The following CNTN5 variants were observed in gnomAD, a reference collection of about 807,000 sequenced individuals.
CNTN5 encodes contactin 5, also known as contactin-5.
In CNTN5, 77 loss-of-function variants were observed where a neutral mutation model predicts 129.1. The ratio of observed to expected loss-of-function variants is 0.60; its 90% CI spans 0.50 to 0.72. The LOEUF (loss-of-function observed/expected upper bound fraction) is 0.72. CNTN5 is among the 30% of genes least tolerant of loss of function. The pLI, the probability that CNTN5 is intolerant of heterozygous loss-of-function variation, is 0.00. For missense variants in CNTN5, 1,478 were observed against 1,328.8 expected, an observed-to-expected ratio of 1.11 and a Z score of -1.75; for synonymous variants, 509 against 465.6, an observed-to-expected ratio of 1.09 and a Z score of -1.20.
intron 18 of CNTN5, among the ~76,000 whole-genome samples, chr11:100,277,922 C>A (rs964522526): frequency 6.6e-6 from 1 of 151,986 alleles, no homozygotes; most frequent in African/African-American, 2.4e-5. Context: ...CAATGTTTTC[C>A]TGTAGTAGTT....
intron 13 of CNTN5, among the ~76,000 whole-genome samples, chr11:100,159,203 G>GA (rs35503413): frequency 1.4e-4 from 20 of 147,440 alleles, no homozygotes; most frequent in South Asian, 2.1e-4. Flanking sequence ...TTTGTCTTGT[G>GA]AAAAAAAAAA....
At chr11:99,082,183 A>G (rs1230781882) in intron 1 of CNTN5, among the ~76,000 whole-genome samples, 2 of 147,122 alleles carry the variant, frequency 1.4e-5, no homozygotes, top group African/African-American at 5.1e-5. Context: ...AGTGTTCTCC[A>G]AAAGCTTTTT....
At chr11:99,030,370 G>C (rs1293233946) in intron 1 of CNTN5, among the ~76,000 whole-genome samples, 1 of 152,058 alleles carries the variant, frequency 6.6e-6, no homozygotes, top group Non-Finnish European at 1.5e-5. Flanking sequence ...TTCTAAATAT[G>C]CAGAAAATCA....
At chr11:99,907,857 T>C (rs1276884798) in intron 6 of CNTN5, among the ~76,000 whole-genome samples, 1 of 152,056 alleles carries the variant, frequency 6.6e-6, no homozygotes, top group Non-Finnish European at 1.5e-5. Context: ...TCTTAGAGTA[T>C]CAAATCAATT....
intron 17 of CNTN5, among the ~76,000 whole-genome samples, chr11:100,258,297 C>T (rs1334217910): frequency 6.6e-6 from 1 of 152,014 alleles, no homozygotes; most frequent in African/African-American, 2.4e-5. Context: ...GTGAAAAGAC[C>T]AAATATACGT....
intron 13 of CNTN5, among the ~76,000 whole-genome samples, chr11:100,162,763 T>TC (rs1165800963): frequency 2.0e-5 from 3 of 151,902 alleles, no homozygotes; most frequent in African/African-American, 7.2e-5. Flanking sequence ...AAATGCTTTT[T>TC]CCCTCTTCAT....
At chr11:99,787,700 A>G (rs1041731674) in intron 3 of CNTN5, among the ~76,000 whole-genome samples, 1 of 152,096 alleles carries the variant, frequency 6.6e-6, no homozygotes, top group East Asian at 1.9e-4. Flanking sequence ...TCAAGATGAC[A>G]TAAAGTACAT....
At chr11:100,204,859 G>T (rs1948881503) in intron 15 of CNTN5, among the ~76,000 whole-genome samples, 1 of 151,908 alleles carries the variant, frequency 6.6e-6, no homozygotes, top group Non-Finnish European at 1.5e-5. Flanking sequence ...TAAGGAGAAT[G>T]CCCTACATAT....
At chr11:99,713,890 G>A (rs1245648246) in intron 3 of CNTN5, among the ~76,000 whole-genome samples, 5 of 151,842 alleles carry the variant, frequency 3.3e-5, no homozygotes, top group Non-Finnish European at 7.4e-5. Flanking sequence ...GCATAGCTGA[G>A]CAAAAAATAG....
intron 2 of CNTN5, among the ~76,000 whole-genome samples, chr11:99,501,908 C>T (rs1402341090): frequency 6.6e-6 from 1 of 152,184 alleles, no homozygotes. Flanking sequence ...ATTCTGTTAT[C>T]TTCTTTTCCA....
intron 13 of CNTN5, among the ~76,000 whole-genome samples, chr11:100,135,656 G>A (rs78355692): frequency 5.3e-5 from 8 of 151,864 alleles, no homozygotes; most frequent in South Asian, 2.1e-4. Context: ...CTAATATGAC[G>A]AGTTTTCTTA....
intron 3 of CNTN5, among the ~76,000 whole-genome samples, chr11:99,608,087 A>T (rs1384811227): frequency 2.3e-5 from 2 of 85,966 alleles, no homozygotes; most frequent in Non-Finnish European, 4.7e-5. Context: ...GTACCCTAAA[A>T]CTTAGAGTAT....
At chr11:99,688,563 GA>G (rs141248039) in intron 3 of CNTN5, among the ~76,000 whole-genome samples, 5,194 of 152,126 alleles carry the variant, frequency 0.034, 298 homozygotes, top group African/African-American at 0.12. Context: ...TAGAAAGATG[GA>G]AATTTTTTTT....
At chr11:99,521,968 T>C (rs1947291812) in intron 2 of CNTN5, among the ~76,000 whole-genome samples, 1 of 152,184 alleles carries the variant, frequency 6.6e-6, no homozygotes, top group Non-Finnish European at 1.5e-5. Context: ...CTTCTGCAAG[T>C]AGTCTTGTGA....
At chr11:99,908,905 T>C (rs1949580950) in intron 6 of CNTN5, among the ~76,000 whole-genome samples, 1 of 152,116 alleles carries the variant, frequency 6.6e-6, no homozygotes, top group African/African-American at 2.4e-5. Context: ...GACTGATTAA[T>C]GTCTGATAAT....
intron 18 of CNTN5, among the ~76,000 whole-genome samples, chr11:100,279,746 A>T (rs995579273): frequency 6.6e-6 from 1 of 151,280 alleles, no homozygotes; most frequent in Non-Finnish European, 1.5e-5. Context: ...CTTTAAAAAA[A>T]CCTTTTTGTT....
chr11:99,730,738 A>G (rs1380593927), intron 3 of CNTN5, among the ~76,000 whole-genome samples: 1 of 152,238 alleles, frequency 6.6e-6, no homozygotes, highest in East Asian at 1.9e-4. Flanking sequence ...TACAATGTAT[A>G]ATGGTCAAAT....
chr11:99,793,250 G>A (rs112154432), intron 3 of CNTN5, among the ~76,000 whole-genome samples: 9,751 of 151,974 alleles, frequency 0.064, 492 homozygotes, highest in African/African-American at 0.14. Context: ...TAGTAGAGAC[G>A]GGGTTTCACC....
intron 4 of CNTN5, among the ~76,000 whole-genome samples, chr11:99,836,090 C>T (rs556013639): frequency 2.2e-4 from 32 of 147,346 alleles, no homozygotes; most frequent in Non-Finnish European, 3.7e-4. Context: ...TGATTATATG[C>T]TAAACAAGGG....
Sources: allele counts gnomAD v4.1 joint callset (sites outside exome capture counted in the v4.1 genomes callset), GRCh38; gene constraint gnomAD v4.1.1; transcripts MANE v1.5; gene names NCBI Gene and HGNC (gene_info 2026-07-23, HGNC 2026-07-21).